NKAIN3: variants seen among roughly 807,000 people sequenced by gnomAD.
NKAIN3 encodes sodium/potassium transporting ATPase interacting 3, also known as sodium/potassium-transporting ATPase subunit beta-1-interacting protein 3.
Under a neutral mutation model 30.2 loss-of-function variants are expected in NKAIN3, and 25 were observed. The ratio of observed to expected loss-of-function variants is 0.83; its 90% CI spans 0.60 to 1.16. NKAIN3 has a LOEUF of 1.16. Ranked by LOEUF, NKAIN3 falls within the 50% of genes most tolerant of loss-of-function variation. The pLI, the probability that NKAIN3 is intolerant of heterozygous loss-of-function variation, is 0.00. For synonymous variants in NKAIN3, 91 were observed against 89.6 expected (o/e 1.02, Z -0.09); for missense variants, 225 against 254.1 (o/e 0.89, Z 0.78).
intron 1 of NKAIN3, among the ~76,000 whole-genome samples, chr8:62,293,416 G>C (rs1813718784): frequency 6.6e-6 from 1 of 152,062 alleles, no homozygotes; most frequent in Non-Finnish European, 1.5e-5. Context: ...TGGGGTTTTG[G>C]AGTGGATGCC....
intron 2 of NKAIN3, among the ~76,000 whole-genome samples, chr8:62,583,923 G>A (rs1810392545): frequency 6.6e-6 from 1 of 152,132 alleles, no homozygotes; most frequent in Admixed American, 6.5e-5. Context: ...TTAAAAAAGA[G>A]CATGTTGTTA....
intron 4 of NKAIN3, among the ~76,000 whole-genome samples, chr8:62,858,717 C>G (rs942745579): frequency 1.3e-5 from 2 of 152,210 alleles, no homozygotes; most frequent in Non-Finnish European, 2.9e-5. Flanking sequence ...CAGGCTGGAA[C>G]AGCTGAGTCA....
At position 62,967,039 on chromosome 8, in the gene NKAIN3, A is replaced by G. The variant is rs1444006878; in HGVS notation, c.*1632A>G. Among the ~76,000 whole-genome samples the G allele has an allele frequency of 6.6e-6, 1 of 152,034 alleles. No homozygotes were observed. Among genetic ancestry groups the G allele is most frequent in the South Asian group, 2.1e-4 (1 of 4,810 alleles). On this transcript the variant is annotated 3_prime_UTR_variant, in exon 7 of 7. Coordinates refer to ENST00000623646, the MANE Select transcript of NKAIN3 (RefSeq NM_001304533.3). ...ATTTACTCACTAGCCTCCAGATTTTACCCCTTTAATCCATTGGTACCCACA... is the reference window on the plus strand; with the variant it reads ...ATTTACTCACTAGCCTCCAGATTTTGCCCCTTTAATCCATTGGTACCCACA...
At position 62,942,860 on chromosome 8, in the gene NKAIN3, C is replaced by T. The variant is rs187540605; in HGVS notation, c.533-11042C>T. On this transcript the variant is annotated intron_variant, in intron 5 of 6. Transcript: ENST00000623646. ...AGAATGAAACTGGATCCTCATCTTTCGCCTTATATGTATAAAAAGAAACTC... is the reference window on the plus strand; with the variant it reads ...AGAATGAAACTGGATCCTCATCTTTTGCCTTATATGTATAAAAAGAAACTC... 3.6e-3 allele frequency among the ~76,000 whole-genome samples: 553 copies of T among 152,146 alleles called. 6 individuals are homozygous for T. Among genetic ancestry groups the T allele is most frequent in the Admixed American group, 0.033 (503 of 15,264 alleles).
At chr8:62,561,825 G>A (rs1809588735) in intron 1 of NKAIN3, among the ~76,000 whole-genome samples, 1 of 152,104 alleles carries the variant, frequency 6.6e-6, no homozygotes, top group Admixed American at 6.6e-5. Flanking sequence ...TTTAAAATAT[G>A]GGGCTTGTTG....
intron 1 of NKAIN3, among the ~76,000 whole-genome samples, chr8:62,277,282 G>A (rs1812994370): frequency 6.6e-6 from 1 of 152,258 alleles, no homozygotes; most frequent in South Asian, 2.1e-4. Context: ...TAATCTGCAT[G>A]ATTACTGTTT....
intron 5 of NKAIN3, among the ~76,000 whole-genome samples, chr8:62,920,104 G>A (rs953158389): frequency 6.6e-6 from 1 of 152,112 alleles, no homozygotes; most frequent in Non-Finnish European, 1.5e-5. Flanking sequence ...AAGACAGGCT[G>A]CACAGCCAAA....
chr8:62,385,916 C>T (rs1817412625), intron 1 of NKAIN3, among the ~76,000 whole-genome samples: 1 of 152,160 alleles, frequency 6.6e-6, no homozygotes, highest in Non-Finnish European at 1.5e-5. Context: ...CCATTCAACA[C>T]TTTAGGATTA....
At chr8:62,308,121 G>A (rs1263920758) in intron 1 of NKAIN3, among the ~76,000 whole-genome samples, 3 of 150,562 alleles carry the variant, frequency 2.0e-5, no homozygotes, top group Non-Finnish European at 4.4e-5. Flanking sequence ...GAAGCCAAAA[G>A]CACTTTCCTC....
chr8:62,410,424 G>A (rs1391493119), intron 1 of NKAIN3, among the ~76,000 whole-genome samples: 1 of 152,168 alleles, frequency 6.6e-6, no homozygotes, highest in Non-Finnish European at 1.5e-5. Context: ...GAACATGTAA[G>A]TATATGTGTC....
intron 4 of NKAIN3, among the ~76,000 whole-genome samples, chr8:62,752,948 G>A (rs1816333448): frequency 6.6e-6 from 1 of 152,086 alleles, no homozygotes; most frequent in African/African-American, 2.4e-5. Context: ...AGGATACCTA[G>A]CTACAGGAAA....
Position 62,984,192 on chromosome 8 carries a change from A to G in NKAIN3, c.*18785A>G, listed in dbSNP as rs1466373218. On this transcript the variant is annotated 3_prime_UTR_variant, in exon 7 of 7. Coordinates refer to ENST00000623646, the MANE Select transcript of NKAIN3 (RefSeq NM_001304533.3). ...AAGCCTCTTTTTGTTGCTGTGACTG[A>G]CAGAACTAAAGGGAGTTTGCTCTCA... 1 of 152,222 alleles carries G rather than the reference A, an allele frequency of 6.6e-6. No individual in the cohort carries two copies. Among genetic ancestry groups the G allele is most frequent in the East Asian group, 1.9e-4 (1 of 5,200 alleles). The allele number at this position is 152,222 out of a possible 1,614,324, so 9.4% of individuals were successfully genotyped here. A position where few individuals can be genotyped will look rare whatever the true frequency, so the allele number is the denominator to read the frequency against.
At chr8:62,988,786 T>A (rs959369250), downstream of NKAIN3, among the ~76,000 whole-genome samples, 2 of 152,238 alleles carry the variant, frequency 1.3e-5, no homozygotes, top group South Asian at 4.1e-4. Context: ...AGCTCCTCAT[T>A]ACTTATGCAA....
At position 62,680,354 on chromosome 8, in the gene NKAIN3, C is replaced by G. The variant is rs916100167; in HGVS notation, c.274-66578C>G. 2.6e-5 allele frequency among the ~76,000 whole-genome samples: 4 copies of G among 152,164 alleles called. No individual in the cohort carries two copies. In the South Asian group the frequency reaches 6.2e-4, roughly 24 times the overall value. ...CAGCCAAAACCATCTGTTTTCCTAC[C>G]TGCAGAGCTGTGAGATAGTAAATTT... On this transcript the variant is annotated intron_variant, in intron 3 of 6. Transcript: ENST00000623646.
intron 1 of NKAIN3, among the ~76,000 whole-genome samples, chr8:62,563,228 G>C (rs1216401343): frequency 6.6e-6 from 1 of 152,136 alleles, no homozygotes; most frequent in Non-Finnish European, 1.5e-5. Flanking sequence ...CCTTTTGCAT[G>C]GGAGTTAGAA....
chr8:62,783,500 G>C lies in NKAIN3; in HGVS notation c.471+36371G>C, dbSNP rs1267584770. Among the ~76,000 whole-genome samples the C allele has an allele frequency of 2.0e-5, 3 of 151,946 alleles. No homozygotes were observed. The East Asian group carries it at 5.8e-4, about 29-fold the overall frequency. ...AGCAGGTGGAGCAGAATGAGACACA[G>C]AGAATTAGCAAGGATATAAAAGACC... is the stretch of plus-strand genomic sequence containing the variant. On this transcript the variant is annotated intron_variant, in intron 4 of 6. Coordinates refer to ENST00000623646, the MANE Select transcript of NKAIN3 (RefSeq NM_001304533.3).
chr8:62,623,835 A>C (rs1205387821), intron 3 of NKAIN3, among the ~76,000 whole-genome samples: 2 of 152,228 alleles, frequency 1.3e-5, no homozygotes, highest in South Asian at 2.1e-4. Context: ...GTAAAGTGAA[A>C]GCAAGTTTAT....
chr8:62,756,569 T>G (rs1484272138), intron 4 of NKAIN3, among the ~76,000 whole-genome samples: 1 of 152,186 alleles, frequency 6.6e-6, no homozygotes, highest in Non-Finnish European at 1.5e-5. Flanking sequence ...GGCAATCCAC[T>G]GTATATTTTA....
chr8:62,500,588 G>T (rs906275779), intron 1 of NKAIN3, among the ~76,000 whole-genome samples: 1 of 152,044 alleles, frequency 6.6e-6, no homozygotes, highest in Non-Finnish European at 1.5e-5. Context: ...TGTGTGGGCC[G>T]ACTGAAAAGA....
Sources: allele counts gnomAD v4.1 joint callset (sites outside exome capture counted in the v4.1 genomes callset), GRCh38; gene constraint gnomAD v4.1.1; transcripts MANE v1.5; gene names NCBI Gene and HGNC (gene_info 2026-07-23, HGNC 2026-07-21).